KDM4C: variants seen among roughly 807,000 people sequenced by gnomAD.
KDM4C encodes lysine-specific demethylase 4C.
KDM4C carries 81 observed loss-of-function variants against 129.3 expected under a neutral mutation model. That is an observed-to-expected ratio of 0.63 (90% CI 0.52 to 0.75). The LOEUF is 0.75. Among genes scored for constraint, KDM4C ranks in the 30% least tolerant of loss-of-function variants. The pLI, the probability that KDM4C is intolerant of heterozygous loss-of-function variation, is 0.00. For synonymous variants in KDM4C, 573 were observed against 456.1 expected, an observed-to-expected ratio of 1.26 and a Z score of -3.26; for missense variants, 1,457 against 1,304.0, an observed-to-expected ratio of 1.12 and a Z score of -1.81.
In KDM4C at chr9:6,823,795, G is replaced by T. The variant is rs192622375; in HGVS notation, c.435+9050G>T. Among the ~76,000 whole-genome samples the T allele has an allele frequency of 2.5e-3, 375 of 152,340 alleles. 1 individual carries two copies. Among genetic ancestry groups the T allele is most frequent in the African/African-American group, 8.7e-3 (363 of 41,580 alleles). On this transcript the variant is annotated intron_variant, in intron 4 of 21. Coordinates refer to ENST00000381309, the MANE Select transcript of KDM4C (RefSeq NM_015061.6). ...GCAACTCTGCTATGTTGAAGAGATT[G>T]GGACATGTCAAGTTAATATCTGATG...
At chr9:7,037,224 G>T (rs1827810224) in intron 15 of KDM4C, among the ~76,000 whole-genome samples, 1 of 152,172 alleles carries the variant, frequency 6.6e-6, no homozygotes, top group African/African-American at 2.4e-5. Flanking sequence ...ATGAGGGTGT[G>T]TTTGTGGGGG....
upstream of KDM4C, among the ~76,000 whole-genome samples, chr9:6,754,976 G>A (rs906646785): frequency 5.3e-5 from 8 of 151,912 alleles, no homozygotes; most frequent in East Asian, 1.9e-4. Context: ...GGTGGCTCAC[G>A]TCTGTAATCT....
intron 19 of KDM4C, among the ~76,000 whole-genome samples, chr9:7,134,419 C>G (rs146937093): frequency 3.3e-5 from 5 of 152,264 alleles, no homozygotes; most frequent in African/African-American, 1.2e-4. Flanking sequence ...GATTAATGTT[C>G]ACATGATGCA....
chr9:6,775,248 C>T (rs928875425), intron 1 of KDM4C, among the ~76,000 whole-genome samples: 1 of 152,150 alleles, frequency 6.6e-6, no homozygotes, highest in African/African-American at 2.4e-5. Flanking sequence ...AACTCCTCAC[C>T]TCAAGTGATC....
At chr9:6,879,099 A>G (rs1428854122) in intron 5 of KDM4C, among the ~76,000 whole-genome samples, 2 of 152,198 alleles carry the variant, frequency 1.3e-5, no homozygotes, top group Admixed American at 1.3e-4. Context: ...GTTAAGTAAA[A>G]TTAGTTAAGT....
In KDM4C at chr9:6,948,624, C is replaced by T. The variant is rs1827427646; in HGVS notation, c.922-32301C>T. On this transcript the variant is annotated intron_variant, in intron 8 of 21. Transcript: ENST00000381309. ...GTCTCTGGTTTTCCTATGCAGAGGA[C>T]CCTGCGGCCTTCCGCAGTGTTTGTG... Among the ~76,000 whole-genome samples the T allele has an allele frequency of 2.0e-5, 3 of 150,954 alleles. No individual in the cohort carries two copies. The South Asian group carries it at 6.4e-4, about 32-fold the overall frequency.
intron 15 of KDM4C, among the ~76,000 whole-genome samples, chr9:7,045,192 C>T (rs1231408668): frequency 6.6e-6 from 1 of 151,964 alleles, no homozygotes; most frequent in Non-Finnish European, 1.5e-5. Context: ...TAATCAGGTG[C>T]TTTTGAGCAG....
chr9:6,847,509 G>A (rs1340849382), intron 4 of KDM4C, among the ~76,000 whole-genome samples: 4 of 151,996 alleles, frequency 2.6e-5, no homozygotes, highest in Non-Finnish European at 4.4e-5. Context: ...TCCTGCCTCA[G>A]CCTCCCGAGT....
At chr9:6,796,884 G>T (rs1417420840) in intron 2 of KDM4C, among the ~76,000 whole-genome samples, 3 of 152,100 alleles carry the variant, frequency 2.0e-5, no homozygotes, top group African/African-American at 7.2e-5. Context: ...AAACTGTACC[G>T]AATCAAATCA....
intron 7 of KDM4C, 109 bp from the exon 8 acceptor site, chr9:6,892,986 G>A (rs1846318428): frequency 2.4e-6 from 2 of 820,426 alleles, no homozygotes; most frequent in African/African-American, 3.6e-5. Flanking sequence ...GTAGTGCTCT[G>A]ATATCAAGAC....
chr9:6,727,127 TG>T (rs1477956335), intron 1 of KDM4C: 1 of 152,202 alleles, frequency 6.6e-6, no homozygotes, highest in Non-Finnish European at 1.5e-5. Flanking sequence ...GCCAGGGCAG[TG>T]GCTCACGCCT....
At chr9:6,933,605 A>C (rs888570892) in intron 8 of KDM4C, among the ~76,000 whole-genome samples, 1 of 152,230 alleles carries the variant, frequency 6.6e-6, no homozygotes, top group Admixed American at 6.5e-5. Context: ...TTAAAAGGAC[A>C]AATAAAAGCC....
At chr9:7,022,920 C>T (rs964475934) in intron 15 of KDM4C, among the ~76,000 whole-genome samples, 3 of 152,064 alleles carry the variant, frequency 2.0e-5, no homozygotes, top group African/African-American at 7.2e-5. Context: ...GGTTTTTGTT[C>T]TTCATTCTAA....
At chr9:6,747,677 A>G (rs1817928637) in intron 1 of KDM4C, among the ~76,000 whole-genome samples, 1 of 152,198 alleles carries the variant, frequency 6.6e-6, no homozygotes, top group Non-Finnish European at 1.5e-5. Context: ...TAGTATTATT[A>G]TAAAAATAGT....
chr9:6,957,147 T>G (rs746780199), intron 8 of KDM4C, among the ~76,000 whole-genome samples: 1 of 152,214 alleles, frequency 6.6e-6, no homozygotes, highest in South Asian at 2.1e-4. Flanking sequence ...ATAATGACTC[T>G]GGCATAAGCT....
At chr9:6,959,039 G>A (rs1024123615) in intron 8 of KDM4C, among the ~76,000 whole-genome samples, 14 of 152,274 alleles carry the variant, frequency 9.2e-5, no homozygotes, top group African/African-American at 3.4e-4. Context: ...CCTTTTTAAA[G>A]CCTGGAGCCT....
At chr9:6,730,614 C>CA (rs36043237) in intron 1 of KDM4C, among the ~76,000 whole-genome samples, 9,217 of 109,462 alleles carry the variant, frequency 0.084, 376 homozygotes, top group East Asian at 0.26. Context: ...GACTCTGTCT[C>CA]AAAAAAAAAA....
chr9:6,986,791 C>G (rs1227005740), intron 11 of KDM4C, 125 bp downstream of exon 11: 6 of 680,548 alleles, frequency 8.8e-6, no homozygotes, highest in Non-Finnish European at 1.4e-5. Context: ...ATTTATGGGT[C>G]TTAATCATAT....
chr9:6,894,429 C>T (rs977692606), intron 8 of KDM4C, among the ~76,000 whole-genome samples: 3 of 152,244 alleles, frequency 2.0e-5, no homozygotes, highest in Non-Finnish European at 2.9e-5. Flanking sequence ...TGGCCAACCA[C>T]TGCATTGCTT....
Sources: gnomAD v4.1 joint callset for allele counts (sites outside exome capture counted in the v4.1 genomes callset) on GRCh38, gnomAD v4.1.1 for gene constraint, MANE v1.5 for transcripts, NCBI Gene and HGNC (gene_info 2026-07-23, HGNC 2026-07-21) for gene names.